The following SAMD7 variants were observed in gnomAD, a reference collection of about 807,000 sequenced individuals.
SAMD7 encodes sterile alpha motif domain containing 7, also known as sterile alpha motif domain-containing protein 7.
In SAMD7, 34 loss-of-function variants were observed where a neutral mutation model predicts 36.7. The ratio of observed to expected loss-of-function variants is 0.93; its 90% CI spans 0.71 to 1.23. SAMD7 has a LOEUF of 1.23. Ranked by LOEUF, SAMD7 falls within the 50% of genes most tolerant of loss-of-function variation. The pLI, the probability that SAMD7 is intolerant of heterozygous loss-of-function variation, is 0.00. For missense variants in SAMD7, 570 were observed against 546.6 expected (o/e 1.04, Z -0.43); for synonymous variants, 188 against 189.7 (o/e 0.99, Z 0.07).
chr3:169,925,321 G>T (rs568606152), intron 5 of SAMD7, among the ~76,000 whole-genome samples, 185 bp downstream of exon 5: 1 of 151,898 alleles, frequency 6.6e-6, no homozygotes. Flanking sequence ...TGCCTATGGG[G>T]TAGCCATTCT....
intron 2 of SAMD7, among the ~76,000 whole-genome samples, chr3:169,916,897 C>G (rs544882747): frequency 3.3e-5 from 5 of 152,268 alleles, no homozygotes; most frequent in African/African-American, 1.2e-4. Flanking sequence ...GGGGCAGGGT[C>G]CTCGCTAGAG....
chr3:169,925,444 C>T (rs149309995), intron 5 of SAMD7, among the ~76,000 whole-genome samples: 112 of 151,952 alleles, frequency 7.4e-4, no homozygotes, highest in African/African-American at 2.7e-3. Context: ...TTAGAAATCA[C>T]GGCCGGGCAC....
At chr3:169,930,298 A>G (rs1282274788) in intron 7 of SAMD7, among the ~76,000 whole-genome samples, 3 of 152,136 alleles carry the variant, frequency 2.0e-5, no homozygotes, top group East Asian at 1.9e-4. Context: ...TTATTTCTAG[A>G]TACGTCTCAA....
intron 7 of SAMD7, among the ~76,000 whole-genome samples, chr3:169,933,807 G>A (rs1405871275): frequency 6.6e-6 from 1 of 152,184 alleles, no homozygotes; most frequent in Non-Finnish European, 1.5e-5. Context: ...CAGAAGAGGG[G>A]CACCAGTGAG....
Position 169,928,504 on chromosome 3 carries a change from G to A in SAMD7, c.967G>A (p.Asp323Asn). 1 of 1,613,636 alleles carries A rather than the reference G, an allele frequency of 6.2e-7. No individual in the cohort carries two copies. Among genetic ancestry groups the A allele is most frequent in the Non-Finnish European group, 8.5e-7 (1 of 1,179,516 alleles). ...TGGGGGGAATCTTTCTTTGGATGAA[G>A]ATATTCAGAAGTGGACCGTGGATGA... The part of the protein sequence containing the change: ...TIGGNLSLDE[D>N]IQKWTVDDVH... Residue 323 changes from aspartate to asparagine, a missense_variant, in exon 7 of 9, where the codon GAT becomes AAT. Asp to Asn is a conservative substitution (Grantham distance 23, BLOSUM62 1). Coordinates refer to ENST00000335556, the MANE Select transcript of SAMD7 (RefSeq NM_001304366.2).
rs773862316 is a variant in SAMD7 at position 169,926,780 on chromosome 3, T to G, written c.518T>G (p.Phe173Cys). 44 of 1,613,592 alleles carry G rather than the reference T, an allele frequency of 2.7e-5. No individual in the cohort carries two copies. The South Asian group carries it at 4.0e-4, about 15-fold the overall frequency. Residue 173 changes from phenylalanine to cysteine, a missense_variant, in exon 6 of 9, where the codon TTT (phenylalanine) becomes TGT (cysteine). Transcript: ENST00000335556. ...NPMLAATAPH[F>C]EESWGQRCRR... ...ATGCTAGCGGCAACTGCACCACACT[T>G]TGAGGAGAGCTGGGGGCAGAGATGT...
chr3:169,926,923 G>T lies in SAMD7; in HGVS notation c.661G>T (p.Asp221Tyr), dbSNP rs1713290118. The change falls in exon 6 of 9, where the codon GAT (aspartate) becomes TAT (tyrosine). Residue 221 changes from aspartate (D) to tyrosine (Y), a missense_variant. Transcript: ENST00000335556. ...GACTCATGCAGTTCCCTATGAAGAG[G>T]ATCATTATGCAAAAGACCCAGACAT... ...GQTHAVPYEE[D>Y]HYAKDPDIEA... 19 of 1,613,876 alleles carry T rather than the reference G, an allele frequency of 1.2e-5. No homozygotes were observed. Among genetic ancestry groups the T allele is most frequent in the Non-Finnish European group, 1.6e-5 (19 of 1,179,966 alleles).
intron 7 of SAMD7, among the ~76,000 whole-genome samples, chr3:169,935,196 C>A (rs769296334): frequency 6.6e-6 from 1 of 152,096 alleles, no homozygotes; most frequent in Non-Finnish European, 1.5e-5. Flanking sequence ...AGACATGAGG[C>A]AGCATTTGGA....
At chr3:169,926,365 G>A (rs1341885453) in intron 5 of SAMD7, 188 bp from the exon 6 acceptor site, 26 of 1,222,916 alleles carry the variant, frequency 2.1e-5, no homozygotes, top group Non-Finnish European at 2.6e-5. Context: ...TCCATTGTGA[G>A]ACTCAGACAA....
In SAMD7 at chr3:169,921,274, A is replaced by G. The variant is rs60401515; in HGVS notation, c.147A>G (p.Gln49=). ...CAAGACAGTTTTGCGTTCCTTCCCA[A>G]TTTGGATCCTCTGTTCTACCAAACA... ...TDPRQFCVPS[Q]FGSSVLPNTN... The change falls in exon 4 of 9, where the codon CAA becomes CAG. Residue 49 remains glutamine (Q), a synonymous_variant. Transcript: ENST00000335556. 9,378 of 1,613,962 alleles carry G rather than the reference A, an allele frequency of 5.8e-3. 166 individuals carry two copies. The highest frequency in any genetic ancestry group is 0.044 in the African/African-American group (3,309 of 74,998).
chr3:169,928,391 G>A (rs1713358416), intron 6 of SAMD7, 66 bp from the exon 7 acceptor site: 2 of 1,422,028 alleles, frequency 1.4e-6, no homozygotes, highest in Non-Finnish European at 2.0e-6. Flanking sequence ...TAGAATATAA[G>A]GAAATTAATG....
Position 169,925,144 on chromosome 3 carries a change from G to T in SAMD7, c.290+8G>T. On this transcript the variant is annotated splice_region_variant and intron_variant, in intron 5 of 8. Coordinates refer to ENST00000335556, the MANE Select transcript of SAMD7 (RefSeq NM_001304366.2). ...ACGGCATCATACTGCCAGGTAATTTGGCAATGTTGTTTTATTTATTCTCTA... is the reference window on the plus strand; with the variant it reads ...ACGGCATCATACTGCCAGGTAATTTTGCAATGTTGTTTTATTTATTCTCTA... 1 of 1,588,728 alleles carries T rather than the reference G, an allele frequency of 6.3e-7. No homozygotes were observed. The highest frequency in any genetic ancestry group is 8.6e-7 in the Non-Finnish European group (1 of 1,163,180).
chr3:169,938,404 C>T lies in SAMD7; in HGVS notation c.1239C>T (p.Ser413=). The stretch of plus-strand genomic sequence containing the variant: ...CATTTGATCAACCAGCAGATACATC[C>T]CCTCTTCTGGATCCTAATTCCTGGA... ...RQAFDQPADT[S]PLLDPNSWSD... Residue 413 remains serine (S), a synonymous_variant, in exon 9 of 9, where the codon TCC becomes TCT. Transcript: ENST00000335556. 1 of 1,608,362 alleles carries T rather than the reference C, an allele frequency of 6.2e-7. No individual in the cohort carries two copies. Among genetic ancestry groups the T allele is most frequent in the Non-Finnish European group, 8.5e-7 (1 of 1,174,678 alleles).
intron 7 of SAMD7, among the ~76,000 whole-genome samples, chr3:169,934,382 C>A (rs1427114553): frequency 6.6e-6 from 1 of 151,976 alleles, no homozygotes; most frequent in Non-Finnish European, 1.5e-5. Flanking sequence ...AAGCCTCCAC[C>A]GATGGTCCTC....
intron 2 of SAMD7, among the ~76,000 whole-genome samples, chr3:169,916,682 A>G (rs1366432571): frequency 6.6e-6 from 1 of 152,188 alleles, no homozygotes; most frequent in Non-Finnish European, 1.5e-5. Context: ...AGCCTGTAAC[A>G]TCAAAAATTC....
chr3:169,938,265 G>C (rs567965928), intron 8 of SAMD7, 53 bp from the exon 9 acceptor site: 1 of 1,250,796 alleles, frequency 8.0e-7, no homozygotes, highest in South Asian at 1.4e-5. Context: ...TTAATGCTGA[G>C]TTAATGAAAA....
chr3:169,914,144 A>T (rs1291276422), intron 1 of SAMD7, among the ~76,000 whole-genome samples: 1 of 152,204 alleles, frequency 6.6e-6, no homozygotes, highest in Non-Finnish European at 1.5e-5. Flanking sequence ...AACTGATTGT[A>T]GCAAATGTAC....
rs748049755 is a variant in SAMD7, at chr3:169,926,753, C to T, written c.491C>T (p.Pro164Leu). 5.0e-5 allele frequency: 81 copies of T among 1,613,948 alleles called. No homozygotes were observed. Among genetic ancestry groups the T allele is most frequent in the Non-Finnish European group, 6.9e-5 (81 of 1,179,980 alleles). ...ACCCTCAGAAACCTTCAGGGAAACCCCATGCTAGCGGCAACTGCACCACAC... is the reference window on the plus strand; with the variant it reads ...ACCCTCAGAAACCTTCAGGGAAACCTCATGCTAGCGGCAACTGCACCACAC... ...RSTLRNLQGN[P>L]MLAATAPHFE... The change falls in exon 6 of 9, where the codon CCC becomes CTC. Residue 164 changes from proline (P) to leucine (L), a missense_variant. Transcript: ENST00000335556.
At chr3:169,912,445 T>G (rs972438098) in intron 1 of SAMD7, among the ~76,000 whole-genome samples, 2 of 152,230 alleles carry the variant, frequency 1.3e-5, no homozygotes, top group African/African-American at 2.4e-5. Context: ...CTTTAGTCTC[T>G]ACAGATTTAT....
Sources: allele counts gnomAD v4.1 joint callset (sites outside exome capture counted in the v4.1 genomes callset), GRCh38; gene constraint gnomAD v4.1.1; transcripts MANE v1.5; gene names NCBI Gene and HGNC (gene_info 2026-07-23, HGNC 2026-07-21).